The following CHIC2 variants were observed in gnomAD, a reference collection of about 807,000 sequenced individuals.
CHIC2 encodes cysteine-rich hydrophobic domain-containing protein 2.
Under a neutral mutation model 25.9 loss-of-function variants are expected in CHIC2, and 14 were observed. The observed-to-expected ratio is 0.54, with a 90% CI of 0.36 to 0.85. CHIC2 has a LOEUF of 0.85. Among genes scored for constraint, CHIC2 ranks in the 40% least tolerant of loss-of-function variants. The pLI is 0.01. For missense variants in CHIC2, 146 were observed against 202.0 expected, an observed-to-expected ratio of 0.72 and a Z score of 1.68; for synonymous variants, 70 against 72.0, an observed-to-expected ratio of 0.97 and a Z score of 0.14.
intron 3 of CHIC2, among the ~76,000 whole-genome samples, chr4:54,015,143 A>G (rs767246420): frequency 1.6e-4 from 25 of 152,272 alleles, no homozygotes; most frequent in Non-Finnish European, 3.1e-4. Flanking sequence ...ATTACCTTTT[A>G]GCATATTAAA....
At chr4:54,029,222 A>T (rs1716149704) in intron 3 of CHIC2, among the ~76,000 whole-genome samples, 1 of 152,176 alleles carries the variant, frequency 6.6e-6, no homozygotes, top group Non-Finnish European at 1.5e-5. Flanking sequence ...ACAAACCATA[A>T]CTCAAGTTTG....
intron 1 of CHIC2, among the ~76,000 whole-genome samples, chr4:54,062,323 G>GT (rs1429854088): frequency 1.3e-5 from 2 of 148,610 alleles, no homozygotes; most frequent in African/African-American, 5.2e-5. Context: ...AGAATCACCT[G>GT]TGAGATTTTA....
chr4:54,024,983 A>G (rs1716014172), intron 3 of CHIC2, among the ~76,000 whole-genome samples: 1 of 151,952 alleles, frequency 6.6e-6, no homozygotes, highest in Admixed American at 6.6e-5. Flanking sequence ...CGCCGCCCCT[A>G]ATCCCGTTCA....
intron 3 of CHIC2, among the ~76,000 whole-genome samples, chr4:54,030,423 T>G (rs1716189165): frequency 6.7e-6 from 1 of 149,470 alleles, no homozygotes; most frequent in Non-Finnish European, 1.5e-5. Flanking sequence ...CTTGGGAGGG[T>G]GAGGTGGGAG....
chr4:54,087,746 A>G, the CHIC2 span: 1 of 499,534 alleles, frequency 2.0e-6, no homozygotes, highest in Non-Finnish European at 3.6e-6. Context: ...GGCGGTGATT[A>G]CAAAGTAGCT....
At chr4:54,067,290 GTGTGTC>G (rs1257433455), upstream of CHIC2, among the ~76,000 whole-genome samples, 5 of 40,856 alleles carry the variant, frequency 1.2e-4, no homozygotes, top group Admixed American at 7.5e-4. Flanking sequence ...TTCTGTGTGT[GTGTGTC>G]TGTGTGTGTG....
upstream of CHIC2, among the ~76,000 whole-genome samples, chr4:54,068,469 A>G (rs1577994149): frequency 6.6e-6 from 1 of 152,162 alleles, no homozygotes; most frequent in African/African-American, 2.4e-5. Flanking sequence ...TTGATCTTGA[A>G]CTTCCAAGTT....
rs1431292719 is a variant in CHIC2 at position 54,064,572 on chromosome 4, T to TGCC, written c.-275_-273dup. On this transcript the variant is annotated 5_prime_UTR_variant, in exon 1 of 6. Transcript: ENST00000263921. This position sits in a 1 kb window ranked among gnomAD's most constrained non-coding sequence, Gnocchi z 4.2. ...ACACCTCCACAAGCACAGACGCCGCTGCCGCCGCCGCAGCAGCAGCAACTC... is the reference window on the plus strand; with the variant it reads ...ACACCTCCACAAGCACAGACGCCGCTGCCGCCGCCGCCGCAGCAGCAGCAACTC... 5 of 1,262,260 alleles carry TGCC rather than the reference T, an allele frequency of 4.0e-6. No homozygotes were observed. Among genetic ancestry groups the TGCC allele is most frequent in the Admixed American group, 4.3e-5 (1 of 23,226 alleles). The allele number at this position is 1,262,260 out of a possible 1,614,324, so 78.2% of individuals were successfully genotyped here.
chr4:54,082,818 C>G, the CHIC2 span, among the ~76,000 whole-genome samples: 8 of 152,198 alleles, frequency 5.3e-5, no homozygotes, highest in Middle Eastern at 3.4e-3. Context: ...GACTCAGCAT[C>G]CAACAAATAT....
intron 3 of CHIC2, among the ~76,000 whole-genome samples, chr4:54,031,355 A>C (rs1166996629): frequency 6.6e-6 from 1 of 152,064 alleles, no homozygotes; most frequent in East Asian, 1.9e-4. Flanking sequence ...TCTTCTTCTT[A>C]TTAGTAAGCA....
chr4:54,056,603 G>C (rs748672212), intron 1 of CHIC2, among the ~76,000 whole-genome samples: 3 of 152,048 alleles, frequency 2.0e-5, no homozygotes, highest in Non-Finnish European at 2.9e-5. Context: ...GTTCTTGCAG[G>C]AAGCTCACTA....
At chr4:54,081,952 A>G in the CHIC2 span, among the ~76,000 whole-genome samples, 1 of 152,216 alleles carries the variant, frequency 6.6e-6, no homozygotes, top group South Asian at 2.1e-4. Flanking sequence ...ATAGAGGTGG[A>G]GAAAGGTGTC....
At position 54,045,806 on chromosome 4, in the gene CHIC2, C is replaced by T. The variant is rs1010640261; in HGVS notation, c.330+3149G>A. Among the ~76,000 whole-genome samples the T allele has an allele frequency of 4.3e-4, 65 of 151,798 alleles. No individual in the cohort carries two copies. The South Asian group carries it at 9.6e-3, about 22-fold the overall frequency. ...TGTTGGAAGTTCTGGCCAGGGCAAT[C>T]AGGCAGGAGAAGGAAATAAAGGGCA... On this transcript the variant is annotated intron_variant, in intron 3 of 5. Coordinates refer to ENST00000263921, the MANE Select transcript of CHIC2 (RefSeq NM_012110.4).
At chr4:54,069,356 A>T (rs911151853), upstream of CHIC2, among the ~76,000 whole-genome samples, 2 of 152,196 alleles carry the variant, frequency 1.3e-5, no homozygotes, top group Non-Finnish European at 2.9e-5. Flanking sequence ...GGTTACAAAT[A>T]AACAGCCAGA....
intron 1 of CHIC2, among the ~76,000 whole-genome samples, chr4:54,058,559 T>TACACACACACACACACAC (rs36034143): frequency 2.9e-5 from 4 of 138,472 alleles, no homozygotes; most frequent in South Asian, 2.4e-4. Flanking sequence ...TACACACACA[T>TACACACACACACACACAC]ACACACACAC....
At chr4:54,058,215 T>C (rs1282020173) in intron 1 of CHIC2, among the ~76,000 whole-genome samples, 1 of 152,184 alleles carries the variant, frequency 6.6e-6, no homozygotes, top group African/African-American at 2.4e-5. Flanking sequence ...GGGTTAAACA[T>C]CAAAATATGT....
At chr4:54,077,106 G>T in the CHIC2 span, among the ~76,000 whole-genome samples, 2 of 152,194 alleles carry the variant, frequency 1.3e-5, 1 homozygote, top group South Asian at 4.1e-4. Context: ...TACAATATAT[G>T]ACAAGTACTC....
chr4:54,090,621 G>A, the CHIC2 span, among the ~76,000 whole-genome samples: 1 of 152,174 alleles, frequency 6.6e-6, no homozygotes, highest in Non-Finnish European at 1.5e-5. Context: ...TATACTGAGT[G>A]CTAAGTATGT....
chr4:54,041,546 TCA>T (rs1716578012), intron 3 of CHIC2, among the ~76,000 whole-genome samples: 1 of 152,112 alleles, frequency 6.6e-6, no homozygotes, highest in African/African-American at 2.4e-5. Flanking sequence ...CTTAAAGAAA[TCA>T]CAGATTCTTC....
Sources: gnomAD v4.1 joint callset for allele counts (sites outside exome capture counted in the v4.1 genomes callset) on GRCh38, gnomAD v4.1.1 for gene constraint, Gnocchi (gnomAD v3.1) non-coding constraint, MANE v1.5 for transcripts, NCBI Gene and HGNC (gene_info 2026-07-23, HGNC 2026-07-21) for gene names.